Variants in WEE2 observed in about 807,000 individuals in gnomAD.
WEE2 encodes WEE2 oocyte meiosis inhibiting kinase.
Under a neutral mutation model 60.1 loss-of-function variants are expected in WEE2, and 50 were observed. The observed-to-expected ratio is 0.83, with a 90% CI of 0.66 to 1.05. WEE2 has a LOEUF of 1.05. WEE2 is among the 50% of genes least tolerant of loss of function. The probability of loss-of-function intolerance (pLI) is 0.00; values close to 1 mark genes in which losing one functional copy is unlikely to be tolerated. For missense variants in WEE2, 631 were observed against 684.3 expected (o/e 0.92, Z 0.87); for synonymous variants, 240 against 241.0 (o/e 1.00, Z 0.04).
At chr7:141,724,948 C>T in intron 8 of WEE2, 78 bp from the exon 9 acceptor site, 1 of 1,508,668 alleles carries the variant, frequency 6.6e-7, no homozygotes, top group East Asian at 2.3e-5. Flanking sequence ...TCGAATGAAC[C>T]TTTCCTACCA....
chr7:141,727,192 G>A (rs1799032573), intron 9 of WEE2, 112 bp from the exon 10 acceptor site: 1 of 1,156,128 alleles, frequency 8.6e-7, no homozygotes, highest in Non-Finnish European at 1.2e-6. Flanking sequence ...CAAAGCAGAA[G>A]CAATGTCTTA....
In WEE2 at chr7:141,730,575, G is replaced by T. The variant is rs1182901042; in HGVS notation, c.*255G>T. On this transcript the variant is annotated 3_prime_UTR_variant, in exon 12 of 12. Transcript: ENST00000397541. Reference sequence around the variant, plus strand: ...CCTAATGTATACCCTTTCTGATATTGTATTTATTAAATAAATGGTTTCACC... The same window carrying T: ...CCTAATGTATACCCTTTCTGATATTTTATTTATTAAATAAATGGTTTCACC... 1 of 387,564 alleles carries T rather than the reference G, an allele frequency of 2.6e-6. No individual in the cohort carries two copies. The highest frequency in any genetic ancestry group is 4.1e-5 in the East Asian group (1 of 24,600). The allele number at this position is 387,564 out of a possible 1,614,324, so 24.0% of individuals were successfully genotyped here.
chr7:141,723,076 C>G, intron 5 of WEE2, 58 bp from the exon 6 acceptor site: 1 of 1,597,766 alleles, frequency 6.3e-7, no homozygotes, highest in African/African-American at 1.3e-5. Flanking sequence ...ATTGTATTTA[C>G]TATGCTTTCA....
Position 141,711,096 on chromosome 7 carries a change from A to C in WEE2, c.342+1996A>C, listed in dbSNP as rs1314021781. Reference sequence around the variant, plus strand: ...ATGACTGAGGTTTCTTGCTTGGTTCAGTAGACAGAATCAAGATAGATGACA... The same window carrying C: ...ATGACTGAGGTTTCTTGCTTGGTTCCGTAGACAGAATCAAGATAGATGACA... On this transcript the variant is annotated intron_variant, in intron 1 of 11. Transcript: ENST00000397541. This position sits in a 1 kb window ranked among gnomAD's most constrained non-coding sequence, Gnocchi z 4.2. Among the ~76,000 whole-genome samples, 4 of 152,236 alleles carry C rather than the reference A, an allele frequency of 2.6e-5. No homozygotes were observed. The highest frequency in any genetic ancestry group is 4.8e-5 in the African/African-American group (2 of 41,462).
Position 141,729,586 on chromosome 7 carries a change from G to A in WEE2, c.1591G>A (p.Asp531Asn), listed in dbSNP as rs774517375. 2 of 1,614,228 alleles carry A rather than the reference G, an allele frequency of 1.2e-6. No homozygotes were observed. Among genetic ancestry groups the A allele is most frequent in the Middle Eastern group, 1.6e-4 (1 of 6,062 alleles). ...QSPQGYTHHG[D>N]TGVSGTHTGS... ...ACCCCAGGGATATACCCATCATGGTGACACTGGGGTCTCTGGGACCCACAC... is the reference window on the plus strand; with the variant it reads ...ACCCCAGGGATATACCCATCATGGTAACACTGGGGTCTCTGGGACCCACAC... The change falls in exon 11 of 12, where the codon GAC (aspartate) becomes AAC (asparagine). Residue 531 changes from aspartate to asparagine, a missense_variant. Transcript: ENST00000397541.
In WEE2 at chr7:141,708,539, A is replaced by C; in HGVS notation, c.-220A>C. 5.2e-6 allele frequency: 3 copies of C among 573,286 alleles called. No individual in the cohort carries two copies. Among genetic ancestry groups the C allele is most frequent in the Non-Finnish European group, 9.3e-6 (3 of 322,674 alleles). 35.5% of individuals were successfully genotyped at this position (573,286 alleles called of 1,614,324 possible). A position where few individuals can be genotyped will look rare whatever the true frequency, so the allele number is the denominator to read the frequency against. ...CCGAGAGTCACTGGAGCTTTCTTTA[A>C]TCAGAATGGAAATCAGGATAAGCTG... On this transcript the variant is annotated 5_prime_UTR_variant, in exon 1 of 12. Coordinates refer to ENST00000397541, the MANE Select transcript of WEE2 (RefSeq NM_001105558.1).
chr7:141,718,118 G>A (rs976150829), intron 3 of WEE2, among the ~76,000 whole-genome samples: 2 of 152,112 alleles, frequency 1.3e-5, no homozygotes, highest in African/African-American at 2.4e-5. Context: ...AGATCTTGCT[G>A]ATGAAAGTGA....
intron 1 of WEE2, among the ~76,000 whole-genome samples, chr7:141,713,705 T>C (rs1197016634): frequency 6.6e-6 from 1 of 152,232 alleles, no homozygotes; most frequent in Non-Finnish European, 1.5e-5. Flanking sequence ...GAAACACTGA[T>C]GAACTGCTGA....
rs957919136 is a variant in WEE2 at position 141,708,638 on chromosome 7, A to T, written c.-121A>T. On this transcript the variant is annotated 5_prime_UTR_variant, in exon 1 of 12. Transcript: ENST00000397541. ...TTGTAGCTGTTAGTTGGTAGAGGGA[A>T]ATTCAGGCTACCGTCGCGAAACCTG... 2 of 798,464 alleles carry T rather than the reference A, an allele frequency of 2.5e-6. No homozygotes were observed. Among genetic ancestry groups the T allele is most frequent in the Non-Finnish European group, 4.1e-6 (2 of 491,562 alleles). The allele number at this position is 798,464 out of a possible 1,614,324, so 49.5% of individuals were successfully genotyped here. A position where few individuals can be genotyped will look rare whatever the true frequency, so the allele number is the denominator to read the frequency against.
At chr7:141,729,761 G>A in intron 11 of WEE2, 88 bp downstream of exon 11, 1 of 1,452,398 alleles carries the variant, frequency 6.9e-7, no homozygotes, top group Non-Finnish European at 9.3e-7. Flanking sequence ...GGCCAAGGCA[G>A]GTGGATCATG....
rs143334491 is a variant in WEE2, at chr7:141,712,953, T to C, written c.343-1256T>C. Among the ~76,000 whole-genome samples the C allele has an allele frequency of 2.4e-3, 373 of 152,292 alleles. 3 individuals carry two copies. The highest frequency in any genetic ancestry group is 3.7e-3 in the Non-Finnish European group (254 of 68,008). On this transcript the variant is annotated intron_variant, in intron 1 of 11. Transcript: ENST00000397541. The stretch of plus-strand genomic sequence containing the variant: ...ATTTTGAACCAATCCTCAGTCTTCA[T>C]GATAAACACGCAGGAAAGCTGTGAG...
At chr7:141,723,831 A>C in intron 6 of WEE2, 110 bp from the exon 7 acceptor site, 3 of 725,000 alleles carry the variant, frequency 4.1e-6, no homozygotes. Context: ...GTCTATGTCC[A>C]CACAAAAGAA....
chr7:141,730,491 C>A lies in WEE2; in HGVS notation c.*171C>A. ...GTGCCTGGATTTCCACAGCGCTTCC[C>A]AGGTTATATGATGCTGTTCCTAAGA... On this transcript the variant is annotated 3_prime_UTR_variant, in exon 12 of 12. Transcript: ENST00000397541. 1.7e-6 allele frequency: 1 copy of A among 600,748 alleles called. No individual in the cohort carries two copies. Among genetic ancestry groups the A allele is most frequent in the Admixed American group, 3.1e-5 (1 of 32,332 alleles). 37.2% of individuals were successfully genotyped at this position (600,748 alleles called of 1,614,324 possible). A position where few individuals can be genotyped will look rare whatever the true frequency, so the allele number is the denominator to read the frequency against.
chr7:141,727,460 T>A lies in WEE2; in HGVS notation c.1535+14T>A. 1 of 1,613,546 alleles carries A rather than the reference T, an allele frequency of 6.2e-7. No individual in the cohort carries two copies. Among genetic ancestry groups the A allele is most frequent in the Non-Finnish European group, 8.5e-7 (1 of 1,179,794 alleles). On this transcript the variant is annotated intron_variant, in intron 10 of 11. Coordinates refer to ENST00000397541, the MANE Select transcript of WEE2 (RefSeq NM_001105558.1). ...CACACTGGAAAGGTATATTTTTGGA[T>A]GATGGGGGGTCAAGAAAGAATCTGA...
Position 141,724,269 on chromosome 7 carries a change from G to C in WEE2, c.1215G>C (p.Leu405Phe). The change falls in exon 8 of 12, where the codon TTG becomes TTC. Residue 405 changes from leucine to phenylalanine, a missense_variant. Coordinates refer to ENST00000397541, the MANE Select transcript of WEE2 (RefSeq NM_001105558.1). ...GTCGCTTCCTGGCTAATGAGATTTTGCAAGAGGTATAGATTAGGGAAATGG... is the reference window on the plus strand; with the variant it reads ...GTCGCTTCCTGGCTAATGAGATTTTCCAAGAGGTATAGATTAGGGAAATGG... ...GDSRFLANEI[L>F]QEDYRHLPKA... The C allele has an allele frequency of 6.2e-7, 1 of 1,613,160 alleles. No individual in the cohort carries two copies. The highest frequency in any genetic ancestry group is 8.5e-7 in the Non-Finnish European group (1 of 1,179,690).
At chr7:141,719,972 G>T (rs1311619554) in intron 4 of WEE2, among the ~76,000 whole-genome samples, 1 of 151,996 alleles carries the variant, frequency 6.6e-6, no homozygotes, top group African/African-American at 2.4e-5. Flanking sequence ...GAGACTACAT[G>T]CAAGGGAAAA....
chr7:141,725,772 ATAAGGT>A (rs1799006791), intron 9 of WEE2, among the ~76,000 whole-genome samples: 2 of 152,194 alleles, frequency 1.3e-5, no homozygotes, highest in Non-Finnish European at 2.9e-5. Context: ...TAACAACCCT[ATAAGGT>A]AGACAGGTGG....
At chr7:141,715,561 A>T (rs1021321346) in intron 2 of WEE2, among the ~76,000 whole-genome samples, 4 of 152,222 alleles carry the variant, frequency 2.6e-5, no homozygotes, top group African/African-American at 4.8e-5. Flanking sequence ...TCCAGAATAC[A>T]AGTATGCATG....
rs754519748 is a variant in WEE2 at position 141,714,242 on chromosome 7, G to T, written c.376G>T (p.Gly126Trp). 1.2e-6 allele frequency: 2 copies of T among 1,612,886 alleles called. No homozygotes were observed. ...MLSRLVISPT[G>W]KLPSRGPKHL... ...GAGCCGGTTGGTGATTTCTCCAACA[G>T]GGAAGCTTCCTTCCAGAGGCCCTAA... is the stretch of plus-strand genomic sequence containing the variant. The change falls in exon 2 of 12, where the codon GGG becomes TGG. Residue 126 changes from glycine (G) to tryptophan (W), a missense_variant. Physicochemically the swap from Gly to Trp is radical, Grantham distance 184. Transcript: ENST00000397541.
Sources: gnomAD v4.1 joint callset for allele counts (sites outside exome capture counted in the v4.1 genomes callset) on GRCh38, gnomAD v4.1.1 for gene constraint, Gnocchi (gnomAD v3.1) non-coding constraint, MANE v1.5 for transcripts, NCBI Gene and HGNC (gene_info 2026-07-23, HGNC 2026-07-21) for gene names.